ACOT1: variants seen among roughly 807,000 people sequenced by gnomAD.
The protein encoded by ACOT1 is acyl-CoA thioesterase 1.
Under a neutral mutation model 15.7 loss-of-function variants are expected in ACOT1, and 8 were observed. The observed-to-expected ratio is 0.51, with a 90% CI of 0.30 to 0.92. The LOEUF (loss-of-function observed/expected upper bound fraction) is 0.92, where lower values mean the gene tolerates loss of function less well. Ranked by LOEUF, ACOT1 falls within the 40% of genes least tolerant of loss-of-function variation. The pLI is 0.06. For missense variants in ACOT1, 151 were observed against 539.4 expected, an observed-to-expected ratio of 0.28 and a Z score of 7.13; for synonymous variants, 67 against 241.2, an observed-to-expected ratio of 0.28 and a Z score of 6.69.
At chr14:73,526,227 C>T in the ACOT1 span, among the ~76,000 whole-genome samples, 1 of 152,202 alleles carries the variant, frequency 6.6e-6, no homozygotes, top group South Asian at 2.1e-4. Context: ...CTGGCACCCA[C>T]AGAGGACACA....
At chr14:73,507,966 G>A in the ACOT1 span, among the ~76,000 whole-genome samples, 7 of 152,190 alleles carry the variant, frequency 4.6e-5, no homozygotes, top group South Asian at 1.2e-3. Flanking sequence ...GTCTGGTCTC[G>A]AACTCCTGAC....
the ACOT1 span, chr14:73,522,392 C>A: frequency 1.2e-6 from 2 of 1,614,272 alleles, no homozygotes; most frequent in South Asian, 2.2e-5. Context: ...CTCCAGGTCA[C>A]TGGCAGAGGT....
chr14:73,509,947 C>T, the ACOT1 span, among the ~76,000 whole-genome samples: 1 of 148,102 alleles, frequency 6.8e-6, no homozygotes, highest in Non-Finnish European at 1.5e-5. Flanking sequence ...GATCTCAGCT[C>T]ACTGCAAGCT....
chr14:73,492,298 C>G, the ACOT1 span: 1 of 1,614,046 alleles, frequency 6.2e-7, no homozygotes, highest in Non-Finnish European at 8.5e-7. The surrounding 1 kb of genome is among the most constrained non-coding windows in gnomAD (Gnocchi z 4.9). Flanking sequence ...AGCGCAATAC[C>G]TGGGGTGACT....
chr14:73,510,151 G>A, the ACOT1 span, among the ~76,000 whole-genome samples: 8 of 151,504 alleles, frequency 5.3e-5, no homozygotes, highest in Non-Finnish European at 1.2e-4. Context: ...GTGTGCCACC[G>A]CCCCCAGCTG....
chr14:73,522,760 G>A, the ACOT1 span: 9 of 1,614,088 alleles, frequency 5.6e-6, no homozygotes, highest in African/African-American at 6.7e-5. Context: ...CCAGGGAGGT[G>A]TCTCCTGTTA....
chr14:73,525,391 C>T, the ACOT1 span, among the ~76,000 whole-genome samples: 9 of 152,278 alleles, frequency 5.9e-5, no homozygotes, highest in East Asian at 1.9e-4. Context: ...CCTCAAATTA[C>T]GTGACACATG....
At chr14:73,515,442 G>A in the ACOT1 span, among the ~76,000 whole-genome samples, 1 of 151,900 alleles carries the variant, frequency 6.6e-6, no homozygotes, top group Non-Finnish European at 1.5e-5. Flanking sequence ...CACTTTGGGA[G>A]GCCAAAGCGG....
At chr14:73,512,298 T>C in the ACOT1 span, 1 of 843,216 alleles carries the variant, frequency 1.2e-6, no homozygotes, top group Admixed American at 2.9e-5. Context: ...AGATGGGGTC[T>C]TTAGGGAGTT....
the ACOT1 span, among the ~76,000 whole-genome samples, chr14:73,525,342 C>T: frequency 6.6e-6 from 1 of 152,186 alleles, no homozygotes. Flanking sequence ...AAAGGCTCAA[C>T]TTTCATCTAG....
At chr14:73,506,683 TA>T in the ACOT1 span, 8,319 of 720,756 alleles carry the variant, frequency 0.012, 153 homozygotes, top group Admixed American at 0.046. Flanking sequence ...CCAGTGGGCT[TA>T]CAAGAGATGG....
chr14:73,525,791 A>G, the ACOT1 span, among the ~76,000 whole-genome samples: 24 of 152,204 alleles, frequency 1.6e-4, no homozygotes, highest in East Asian at 4.1e-3. Flanking sequence ...CATCTCTACT[A>G]AAAATACAAA....
At chr14:73,512,287 G>C in the ACOT1 span, 7 of 928,694 alleles carry the variant, frequency 7.5e-6, no homozygotes, top group African/African-American at 1.7e-5. Flanking sequence ...AAAGGGCCCA[G>C]AGATGGGGTC....
the ACOT1 span, chr14:73,522,696 G>T: frequency 6.2e-7 from 1 of 1,614,218 alleles, no homozygotes; most frequent in Non-Finnish European, 8.5e-7. Context: ...GTGCTGGCTG[G>T]CTTTGATTTC....
chr14:73,501,992 G>T, the ACOT1 span, among the ~76,000 whole-genome samples: 1 of 151,026 alleles, frequency 6.6e-6, no homozygotes, highest in African/African-American at 2.4e-5. Context: ...TGATCCACCC[G>T]CCTCGGCCTC....
chr14:73,530,644 T>A, the ACOT1 span: 1 of 120,454 alleles, frequency 8.3e-6, no homozygotes, highest in Non-Finnish European at 1.8e-5. Context: ...CTTGATTTGT[T>A]TTTTGTTTGT....
the ACOT1 span, among the ~76,000 whole-genome samples, chr14:73,523,976 T>C: frequency 3.3e-5 from 5 of 152,138 alleles, no homozygotes; most frequent in African/African-American, 9.7e-5. Context: ...TATTGCTACA[T>C]AGTTTTTATT....
rs769113233 is a variant in ACOT1 at position 73,537,784 on chromosome 14, C to T, written c.363C>T (p.Cys121=). ...GHDPDPGRLL[C]RVRHERYFLP... is the part of the protein sequence containing the mutation. ...ACCCCGACCCCGGGCGGCTGCTGTG[C>T]CGGGTGCGGCACGAGCGCTACTTCC... Residue 121 remains cysteine (C), a synonymous_variant, in exon 1 of 3, where the codon TGC becomes TGT. Transcript: ENST00000311148. The T allele has an allele frequency of 4.8e-5, 59 of 1,229,126 alleles. 15 individuals are homozygous for T. Among genetic ancestry groups the T allele is most frequent in the Non-Finnish European group, 6.2e-5 (58 of 931,906 alleles). 76.1% of individuals were successfully genotyped at this position (1,229,126 alleles called of 1,614,324 possible).
chr14:73,495,170 T>A, the ACOT1 span: 16 of 1,494,126 alleles, frequency 1.1e-5, no homozygotes, highest in Non-Finnish European at 1.5e-5. Context: ...AACATCCAGA[T>A]CCTGGAAGAG....
Sources: gnomAD v4.1 joint callset for allele counts (sites outside exome capture counted in the v4.1 genomes callset) on GRCh38, gnomAD v4.1.1 for gene constraint, Gnocchi (gnomAD v3.1) non-coding constraint, MANE v1.5 for transcripts, NCBI Gene and HGNC (gene_info 2026-07-23, HGNC 2026-07-21) for gene names.